Variants in EVC2 observed in about 807,000 individuals in gnomAD.
EVC2 encodes the protein EvC ciliary complex subunit 2.
EVC2 carries 148 observed loss-of-function variants against 149.3 expected under a neutral mutation model. The observed-to-expected ratio is 0.99, with a 90% CI of 0.87 to 1.14. EVC2 has a LOEUF of 1.14. Ranked by LOEUF, EVC2 falls within the 50% of genes most tolerant of loss-of-function variation. The pLI, the probability that EVC2 is intolerant of heterozygous loss-of-function variation, is 0.00. For missense variants in EVC2, 1,854 were observed against 1,627.3 expected, an observed-to-expected ratio of 1.14 and a Z score of -2.40; for synonymous variants, 776 against 649.9, an observed-to-expected ratio of 1.19 and a Z score of -2.95.
chr4:5,593,200 G>C (rs1217454875), intron 16 of EVC2, among the ~76,000 whole-genome samples: 1 of 152,116 alleles, frequency 6.6e-6, no homozygotes, highest in Non-Finnish European at 1.5e-5. Flanking sequence ...CCTTATAGTA[G>C]TGTGAGAATG....
At chr4:5,545,025 T>C (rs1418434615) in intron 21 of EVC2, among the ~76,000 whole-genome samples, 1 of 152,200 alleles carries the variant, frequency 6.6e-6, no homozygotes, top group Non-Finnish European at 1.5e-5. Flanking sequence ...AGCCTGCTGC[T>C]CGGCCCTCCA....
chr4:5,543,460 G>C (rs1190604637), intron 21 of EVC2, among the ~76,000 whole-genome samples: 3 of 152,234 alleles, frequency 2.0e-5, no homozygotes, highest in Non-Finnish European at 2.9e-5. Flanking sequence ...AGGGTTCGAA[G>C]TGTTTCACAC....
At chr4:5,571,912 C>T (rs1322618227) in intron 19 of EVC2, among the ~76,000 whole-genome samples, 1 of 152,170 alleles carries the variant, frequency 6.6e-6, no homozygotes, top group Non-Finnish European at 1.5e-5. Context: ...AGAAGGCTGA[C>T]CAGTCCTGAG....
chr4:5,640,425 G>A lies in EVC2; in HGVS notation c.1470+89C>T. ...GGATGATGGGTAGACGGATGGAGGAGGCAAATGGACAGATGAGTGGGTAGA... is the reference window on the plus strand; with the variant it reads ...GGATGATGGGTAGACGGATGGAGGAAGCAAATGGACAGATGAGTGGGTAGA... On this transcript the variant is annotated intron_variant, in intron 10 of 21. Transcript: ENST00000344408. The surrounding 1 kb of genome is among the most constrained non-coding windows in gnomAD (Gnocchi z 4.6). 2.0e-6 allele frequency: 3 copies of A among 1,484,644 alleles called. No individual in the cohort carries two copies. The highest frequency in any genetic ancestry group is 1.9e-6 in the Non-Finnish European group (2 of 1,063,714). The allele number at this position is 1,484,644 out of a possible 1,614,324, so 92.0% of individuals were successfully genotyped here.
chr4:5,610,272 C>T (rs1018461312), intron 16 of EVC2, among the ~76,000 whole-genome samples: 5 of 152,144 alleles, frequency 3.3e-5, no homozygotes, highest in Admixed American at 2.6e-4. Context: ...ATACCTCTAT[C>T]GTATGCATAT....
In EVC2 at chr4:5,708,445, C is replaced by T; in HGVS notation, c.69G>A (p.Leu23=). 1 of 1,506,958 alleles carries T rather than the reference C, an allele frequency of 6.6e-7. No individual in the cohort carries two copies. Among genetic ancestry groups the T allele is most frequent in the Non-Finnish European group, 8.8e-7 (1 of 1,135,370 alleles). 93.3% of individuals were successfully genotyped at this position (1,506,958 alleles called of 1,614,324 possible). Residue 23 remains leucine (L), a synonymous_variant, in exon 1 of 22, where the codon CTG becomes CTA. Coordinates refer to ENST00000344408, the MANE Select transcript of EVC2 (RefSeq NM_147127.5). Reference sequence around the variant, plus strand: ...CGAGACAGCCTCGGCCCCCCAGCGCCAGGGCCACTGCCAGGAGACCCCCGG... The same window carrying T: ...CGAGACAGCCTCGGCCCCCCAGCGCTAGGGCCACTGCCAGGAGACCCCCGG... The part of the protein sequence containing the change: ...VLAGGLLAVA[L]ALGGRGCLGA...
intron 2 of EVC2, 68 bp from the exon 3 acceptor site, chr4:5,694,569 A>T (rs1458921796): frequency 6.3e-7 from 1 of 1,578,548 alleles, no homozygotes; most frequent in East Asian, 2.2e-5. Flanking sequence ...CTTAACCTCT[A>T]GAGACAGACT....
At chr4:5,699,215 T>C (rs1364229967) in intron 1 of EVC2, among the ~76,000 whole-genome samples, 2 of 152,038 alleles carry the variant, frequency 1.3e-5, no homozygotes, top group Admixed American at 6.5e-5. Context: ...AGAGGGAAAA[T>C]GGGTGCAGCT....
chr4:5,666,495 T>A (rs1317638551), intron 7 of EVC2, among the ~76,000 whole-genome samples: 1 of 152,236 alleles, frequency 6.6e-6, no homozygotes, highest in Non-Finnish European at 1.5e-5. Flanking sequence ...CACTTCCTTG[T>A]GTGACTTTTT....
At position 5,568,431 on chromosome 4, in the gene EVC2, C is replaced by G. The variant is rs1232351359; in HGVS notation, c.3557+13G>C. ...GGACGTGCCCCGGGAGGCAGCCCCT[C>G]CACGGCACTCACCTCCGCCTGCCCA... On this transcript the variant is annotated intron_variant, in intron 20 of 21. Coordinates refer to ENST00000344408, the MANE Select transcript of EVC2 (RefSeq NM_147127.5). 1.9e-6 allele frequency: 3 copies of G among 1,544,876 alleles called. No homozygotes were observed. The highest frequency in any genetic ancestry group is 2.6e-6 in the Non-Finnish European group (3 of 1,151,684).
chr4:5,611,080 C>A (rs564411219), intron 16 of EVC2, among the ~76,000 whole-genome samples: 4 of 152,088 alleles, frequency 2.6e-5, no homozygotes, highest in Non-Finnish European at 5.9e-5. Flanking sequence ...TCATGGAGAT[C>A]CTCAGATGTC....
At chr4:5,556,716 T>G (rs990457942) in intron 21 of EVC2, among the ~76,000 whole-genome samples, 1 of 151,928 alleles carries the variant, frequency 6.6e-6, no homozygotes, top group Admixed American at 6.6e-5. Context: ...AAAGAAAACA[T>G]GAAAATTACC....
chr4:5,645,866 T>C (rs114035835), intron 9 of EVC2, among the ~76,000 whole-genome samples: 1,588 of 152,334 alleles, frequency 0.01, 19 homozygotes, highest in East Asian at 0.06. Flanking sequence ...TAAACTAGTT[T>C]ACAGTCCCAT....
rs984540104 is a variant in EVC2, at chr4:5,637,203, G to A, written c.1470+3311C>T. Among the ~76,000 whole-genome samples, 2 of 152,230 alleles carry A rather than the reference G, an allele frequency of 1.3e-5. No individual in the cohort carries two copies. The highest frequency in any genetic ancestry group is 2.9e-5 in the Non-Finnish European group (2 of 68,048). ...TCCGCATAAAAAAGCATTGCCCCAGGCAGTCTTTTGATAGCAAAGCCACTA... is the reference window on the plus strand; with the variant it reads ...TCCGCATAAAAAAGCATTGCCCCAGACAGTCTTTTGATAGCAAAGCCACTA... On this transcript the variant is annotated intron_variant, in intron 10 of 21. Coordinates refer to ENST00000344408, the MANE Select transcript of EVC2 (RefSeq NM_147127.5). This position sits in a 1 kb window ranked among gnomAD's most constrained non-coding sequence, Gnocchi z 4.4.
At chr4:5,566,863 T>A (rs1722321451) in intron 20 of EVC2, among the ~76,000 whole-genome samples, 1 of 152,078 alleles carries the variant, frequency 6.6e-6, no homozygotes, top group South Asian at 2.1e-4. Flanking sequence ...CCACACACGT[T>A]CCTACTCCAG....
downstream of EVC2, among the ~76,000 whole-genome samples, chr4:5,558,824 C>G (rs1721887727): frequency 6.6e-6 from 1 of 152,140 alleles, no homozygotes; most frequent in Non-Finnish European, 1.5e-5. Context: ...GATAATGCTC[C>G]ACATATGTAC....
chr4:5,583,960 C>T (rs1011291300), intron 17 of EVC2, among the ~76,000 whole-genome samples: 2 of 151,566 alleles, frequency 1.3e-5, no homozygotes, highest in Admixed American at 6.6e-5. Context: ...TGGGTTCAAG[C>T]GATTCTCCTG....
At chr4:5,678,782 G>C (rs1720154916) in intron 7 of EVC2, among the ~76,000 whole-genome samples, 1 of 152,158 alleles carries the variant, frequency 6.6e-6, no homozygotes, top group Non-Finnish European at 1.5e-5. Flanking sequence ...TGTAATCCCA[G>C]CACTTTGGGA....
In EVC2 at chr4:5,661,681, C is replaced by T. The variant is rs186261828; in HGVS notation, c.1145+1426G>A. 4.6e-5 allele frequency among the ~76,000 whole-genome samples: 7 copies of T among 152,306 alleles called. No homozygotes were observed. The East Asian group carries it at 1.3e-3, about 29-fold the overall frequency. On this transcript the variant is annotated intron_variant, in intron 9 of 21. Transcript: ENST00000344408. ...GAAAGGAAAGAAGGAACGACAAGGC[C>T]ATGCTGATGAACCTCATCTAGTTAA...
Sources: gnomAD v4.1 joint callset for allele counts (sites outside exome capture counted in the v4.1 genomes callset) on GRCh38, gnomAD v4.1.1 for gene constraint, Gnocchi (gnomAD v3.1) non-coding constraint, MANE v1.5 for transcripts, NCBI Gene and HGNC (gene_info 2026-07-23, HGNC 2026-07-21) for gene names.